The following ADAMTS10 variants were observed in gnomAD, a reference collection of about 807,000 sequenced individuals.
ADAMTS10 encodes A disintegrin and metalloproteinase with thrombospondin motifs 10.
A neutral mutation model predicts 135.9 loss-of-function variants in ADAMTS10; 48 were observed. The ratio of observed to expected loss-of-function variants is 0.35; its 90% CI spans 0.28 to 0.45. ADAMTS10 has a LOEUF of 0.45. ADAMTS10 is among the 20% of genes least tolerant of loss of function. The pLI is 1.00. For missense variants in ADAMTS10, 1,131 were observed against 1,565.2 expected (o/e 0.72, Z 4.68); for synonymous variants, 621 against 647.5 (o/e 0.96, Z 0.62).
chr19:8,589,214 G>C lies in ADAMTS10; in HGVS notation c.2158+28C>G, dbSNP rs373922178. On this transcript the variant is annotated intron_variant, in intron 18 of 25. Transcript: ENST00000597188. ...TGCAGTCAGCTGGCCCATGCAGGGA[G>C]TGTGGGAGGGAAGCTGGAGACTCTC... 9.7e-5 allele frequency: 156 copies of C among 1,611,930 alleles called. No individual in the cohort carries two copies. The African/African-American group carries it at 2.0e-3, about 21-fold the overall frequency.
In ADAMTS10 at chr19:8,601,389, T is replaced by C. The variant is rs1600116993; in HGVS notation, c.593-244A>G. ...TTTTTTTTTTTTTTTTGAGACGGAGTATCATTCTGTCACCCAGGCTGGACT... is the reference window on the plus strand; with the variant it reads ...TTTTTTTTTTTTTTTTGAGACGGAGCATCATTCTGTCACCCAGGCTGGACT... On this transcript the variant is annotated intron_variant, in intron 5 of 25. Coordinates refer to ENST00000597188, the MANE Select transcript of ADAMTS10 (RefSeq NM_030957.4). The surrounding 1 kb of genome is among the most constrained non-coding windows in gnomAD (Gnocchi z 4.6). Among the ~76,000 whole-genome samples the C allele has an allele frequency of 6.9e-6, 1 of 144,978 alleles. No individual in the cohort carries two copies. The highest frequency in any genetic ancestry group is 7.1e-5 in the Admixed American group (1 of 14,040).
chr19:8,595,690 G>T, intron 12 of ADAMTS10, 72 bp downstream of exon 12: 1 of 1,358,098 alleles, frequency 7.4e-7, no homozygotes, highest in Non-Finnish European at 1.0e-6. Flanking sequence ...TGGGTGCCCT[G>T]GTGGAGTTCC....
At chr19:8,581,867 A>C (rs1555735953) in intron 25 of ADAMTS10, among the ~76,000 whole-genome samples, 1 of 150,950 alleles carries the variant, frequency 6.6e-6, no homozygotes. Flanking sequence ...AAACAAAAAA[A>C]AAAAAAAGGA....
At chr19:8,604,638 T>G (rs1291247982) in intron 4 of ADAMTS10, among the ~76,000 whole-genome samples, 4 of 151,588 alleles carry the variant, frequency 2.6e-5, no homozygotes, top group African/African-American at 7.3e-5. Context: ...CATACCACCA[T>G]GCCTGGCTAA....
chr19:8,595,698 T>TGCCAACCCCC, intron 12 of ADAMTS10, 64 bp downstream of exon 12: 3 of 1,291,946 alleles, frequency 2.3e-6, no homozygotes, highest in Non-Finnish European at 3.2e-6. Context: ...CTGGTGGAGT[T>TGCCAACCCCC]CCCTCCCCCA....
chr19:8,600,768 G>A (rs557271376), intron 6 of ADAMTS10, among the ~76,000 whole-genome samples, 160 bp downstream of exon 6: 2 of 152,076 alleles, frequency 1.3e-5, no homozygotes, highest in East Asian at 1.9e-4. Context: ...GAAGTGCTGG[G>A]ATTACAGGTG....
intron 2 of ADAMTS10, among the ~76,000 whole-genome samples, chr19:8,607,817 TC>T (rs1239484198): frequency 0.017 from 1,932 of 115,980 alleles, 41 homozygotes; most frequent in African/African-American, 0.048. Flanking sequence ...TCTCTCTCTC[TC>T]TCTTTTTTTT....
intron 25 of ADAMTS10, 128 bp from the exon 26 acceptor site, chr19:8,581,130 C>CCTTTTTTTTTTTTT (rs1491576985): frequency 7.3e-6 from 1 of 136,668 alleles, no homozygotes; most frequent in Admixed American, 1.8e-4. Flanking sequence ...TTTAAATTTA[C>CCTTTTTTTTTTTTT]TTTTTTTTTT....
Position 8,586,678 on chromosome 19 carries a change from A to G in ADAMTS10, c.2283T>C (p.Pro761=), listed in dbSNP as rs4476282. The G allele has an allele frequency of 0.21, 343,588 of 1,613,782 alleles. 37,409 individuals carry two copies. The highest frequency in any genetic ancestry group is 0.23 in the Admixed American group (13,762 of 59,986). Residue 761 remains proline, a synonymous_variant, in exon 20 of 26, where the codon CCT becomes CCC. Transcript: ENST00000597188. ...DQESLLLEGL[P]GTPQPHRLPL... is the part of the protein sequence containing the mutation. ...GCAGACGGTGGGGCTGGGGGGTCCC[A>G]GGCAGCCCCTCCAGCAGCAGGGACT...
rs782305474 is a variant in ADAMTS10 at position 8,603,808 on chromosome 19, G to A, written c.512C>T (p.Pro171Leu). The A allele has an allele frequency of 8.7e-6, 14 of 1,613,902 alleles. No homozygotes were observed. The highest frequency in any genetic ancestry group is 1.6e-4 in the Middle Eastern group (1 of 6,084). Residue 171 changes from proline to leucine, a missense_variant, in exon 5 of 26, where the codon CCG (proline) becomes CTG (leucine). Pro to Leu is a moderately conservative substitution (Grantham distance 98). This residue lies in a region of ADAMTS10 where 306 missense variants were observed against 344.4 expected (regional missense o/e 0.89). Transcript: ENST00000597188. ...LHGGPKGSRS[P>L]EESGPHVVYK... ...CACCACATGTGGTCCACTTTCCTCCGGGCTCCGAGAACCCTTGGGCCCACC... is the reference window on the plus strand; with the variant it reads ...CACCACATGTGGTCCACTTTCCTCCAGGCTCCGAGAACCCTTGGGCCCACC...
rs77658524 is a variant in ADAMTS10, at chr19:8,586,923, C to G, written c.2159-27G>C. On this transcript the variant is annotated intron_variant, in intron 18 of 25. Coordinates refer to ENST00000597188, the MANE Select transcript of ADAMTS10 (RefSeq NM_030957.4). Reference sequence around the variant, plus strand: ...TGAACAGCAGAGCTCAGATGTCACCCACTTGGCATGTCCCCAACACCTGCC... The same window carrying G: ...TGAACAGCAGAGCTCAGATGTCACCGACTTGGCATGTCCCCAACACCTGCC... 1.9e-6 allele frequency: 3 copies of G among 1,613,506 alleles called. No homozygotes were observed. In the Admixed American group the frequency reaches 5.0e-5, roughly 27 times the overall value.
At chr19:8,582,577 T>C (rs2146031486) in intron 25 of ADAMTS10, 1 of 152,334 alleles carries the variant, frequency 6.6e-6, no homozygotes, top group East Asian at 1.9e-4. Flanking sequence ...GTGATCATGA[T>C]GTCTGTTGAT....
intron 5 of ADAMTS10, among the ~76,000 whole-genome samples, chr19:8,603,525 C>T (rs782763890): frequency 1.1e-4 from 16 of 152,156 alleles, no homozygotes; most frequent in East Asian, 5.8e-4. Context: ...CCGCCCACCT[C>T]GGCCTCCCAA....
rs138296292 is a variant in ADAMTS10, at chr19:8,601,653, C to A, written c.593-508G>T. Among the ~76,000 whole-genome samples the A allele has an allele frequency of 1.3e-5, 2 of 152,090 alleles. No homozygotes were observed. Among genetic ancestry groups the A allele is most frequent in the African/African-American group, 4.8e-5 (2 of 41,394 alleles). On this transcript the variant is annotated intron_variant, in intron 5 of 25. Transcript: ENST00000597188. This position sits in a 1 kb window ranked among gnomAD's most constrained non-coding sequence, Gnocchi z 4.6. ...CTGGGATTACAGGTTTGAGCCACTG[C>A]GCCTGGCTGCCTCATTGTTTTGTCT...
intron 25 of ADAMTS10, chr19:8,582,632 T>C (rs1247329558): frequency 1.3e-5 from 2 of 151,886 alleles, no homozygotes; most frequent in African/African-American, 4.8e-5. Flanking sequence ...CAGTGATTTA[T>C]GGCAGGACCA....
rs1226554693 is a variant in ADAMTS10, at chr19:8,585,570, G to C, written c.2751C>G (p.Ala917=). Residue 917 remains alanine, a synonymous_variant, in exon 23 of 26, where the codon GCC becomes GCG. Coordinates refer to ENST00000597188, the MANE Select transcript of ADAMTS10 (RefSeq NM_030957.4). ...TGTCGTCCAGCGCCTTCTCCTCCGCGGCAGAGACGCGGCGCTGGCACACGA... is the reference window on the plus strand; with the variant it reads ...TGTCGTCCAGCGCCTTCTCCTCCGCCGCAGAGACGCGGCGCTGGCACACGA... The part of the protein sequence containing the change: ...RSVVCQRRVS[A]AEEKALDDSA... 4 of 1,605,140 alleles carry C rather than the reference G, an allele frequency of 2.5e-6. No individual in the cohort carries two copies. The African/African-American group carries it at 5.3e-5, about 21-fold the overall frequency.
chr19:8,607,525 C>T (rs2042733890), intron 2 of ADAMTS10, among the ~76,000 whole-genome samples: 1 of 152,094 alleles, frequency 6.6e-6, no homozygotes, highest in South Asian at 2.1e-4. Flanking sequence ...CTGTCTCCAC[C>T]CTCCTCCTCC....
rs1555736764 is a variant in ADAMTS10, at chr19:8,585,471, G to A, written c.2850C>T (p.Ala950=). The A allele has an allele frequency of 6.5e-7, 1 of 1,536,374 alleles. No homozygotes were observed. The highest frequency in any genetic ancestry group is 1.2e-5 in the South Asian group (1 of 83,758). ...HGPTCPPEWA[A]LDWSECTPSC... ...GGCGGCTGACCTCAGACCAGTCGAG[G>A]GCCGCCCACTCCGGAGGGCAAGTGG... Residue 950 remains alanine (A), a synonymous_variant, in exon 23 of 26, where the codon GCC becomes GCT. Transcript: ENST00000597188.
chr19:8,580,860 C>A lies in ADAMTS10; in HGVS notation c.*33G>T, dbSNP rs782140963. On this transcript the variant is annotated 3_prime_UTR_variant, in exon 26 of 26. Coordinates refer to ENST00000597188, the MANE Select transcript of ADAMTS10 (RefSeq NM_030957.4). ...CGCTGCAGGGCTGGCGGCGGAGACCCCGCCAGCTGTGGCTCCGGGTGCCGC... is the reference window on the plus strand; with the variant it reads ...CGCTGCAGGGCTGGCGGCGGAGACCACGCCAGCTGTGGCTCCGGGTGCCGC... 6.5e-7 allele frequency: 1 copy of A among 1,546,850 alleles called. No individual in the cohort carries two copies. The highest frequency in any genetic ancestry group is 1.2e-5 in the South Asian group (1 of 86,488).
Sources: gnomAD v4.1 joint callset for allele counts (sites outside exome capture counted in the v4.1 genomes callset) on GRCh38, gnomAD v4.1.1 for gene constraint, gnomAD v4.1.1 regional missense constraint, Gnocchi (gnomAD v3.1) non-coding constraint, MANE v1.5 for transcripts, NCBI Gene and HGNC (gene_info 2026-07-23, HGNC 2026-07-21) for gene names.